Variants in CCDC141 observed in about 807,000 individuals in gnomAD.
The protein encoded by CCDC141 is coiled-coil domain-containing protein 141.
CCDC141 carries 168 observed loss-of-function variants against 181.0 expected under a neutral mutation model. That is an observed-to-expected ratio of 0.93 (90% CI 0.82 to 1.05). CCDC141 has a LOEUF of 1.05. Among genes scored for constraint, CCDC141 ranks in the 50% least tolerant of loss-of-function variants. The pLI is 0.00. For missense variants in CCDC141, 1,902 were observed against 1,788.5 expected, an observed-to-expected ratio of 1.06 and a Z score of -1.14; for synonymous variants, 666 against 642.3, an observed-to-expected ratio of 1.04 and a Z score of -0.56.
chr2:179,049,472 G>T (rs1195500837), intron 1 of CCDC141, among the ~76,000 whole-genome samples: 1 of 151,998 alleles, frequency 6.6e-6, no homozygotes, highest in East Asian at 1.9e-4. Flanking sequence ...CATTCCACAG[G>T]TCCATTGGAC....
intron 8 of CCDC141, among the ~76,000 whole-genome samples, chr2:178,893,628 T>C (rs947780451): frequency 1.3e-5 from 2 of 152,194 alleles, no homozygotes; most frequent in Non-Finnish European, 2.9e-5. Flanking sequence ...TTTATGTTTA[T>C]GGTTGTCTTT....
At chr2:179,022,869 C>T (rs142965978) in intron 2 of CCDC141, among the ~76,000 whole-genome samples, 107 of 152,256 alleles carry the variant, frequency 7.0e-4, no homozygotes, top group African/African-American at 2.4e-3. Flanking sequence ...TGCTATGTGA[C>T]GTGGTTCCTG....
intron 17 of CCDC141, among the ~76,000 whole-genome samples, chr2:178,859,563 T>C (rs1685516209): frequency 6.6e-6 from 1 of 152,144 alleles, no homozygotes; most frequent in Non-Finnish European, 1.5e-5. Flanking sequence ...CTTGAAATGG[T>C]GTTATAATTC....
At position 178,885,106 on chromosome 2, in the gene CCDC141, G is replaced by A; in HGVS notation, c.1528-14C>T. The A allele has an allele frequency of 1.3e-6, 2 of 1,532,342 alleles. No individual in the cohort carries two copies. Among genetic ancestry groups the A allele is most frequent in the Non-Finnish European group, 1.8e-6 (2 of 1,133,858 alleles). 94.9% of individuals were successfully genotyped at this position (1,532,342 alleles called of 1,614,324 possible). ...ATGTGATGTCTCCTGTAAAAGCAAA[G>A]CACTGGAGGTCAGAAACTGACAGGG... On this transcript the variant is annotated splice_polypyrimidine_tract_variant and intron_variant, in intron 10 of 23. Transcript: ENST00000443758.
At chr2:178,869,361 C>G in intron 14 of CCDC141, 56 bp from the exon 15 acceptor site, 1 of 1,275,008 alleles carries the variant, frequency 7.8e-7, no homozygotes, top group Non-Finnish European at 1.1e-6. Context: ...TTTTACTTTA[C>G]AACTGACAAT....
At chr2:178,837,831 T>G in intron 22 of CCDC141, 87 bp from the exon 23 acceptor site, 2 of 1,439,740 alleles carry the variant, frequency 1.4e-6, no homozygotes, top group South Asian at 1.4e-5. Flanking sequence ...TTCAGAGAGA[T>G]AACTCGAGAC....
Position 178,868,214 on chromosome 2 carries a change from T to C in CCDC141, c.2395-9A>G. The C allele has an allele frequency of 1.2e-6, 2 of 1,600,856 alleles. No homozygotes were observed. The highest frequency in any genetic ancestry group is 1.7e-5 in the Admixed American group (1 of 59,838). Reference sequence around the variant, plus strand: ...TTGATGAGACGTCCCAGCTACAATTTAGGGCATTAACAATTAACCTGGGTT... The same window carrying C: ...TTGATGAGACGTCCCAGCTACAATTCAGGGCATTAACAATTAACCTGGGTT... On this transcript the variant is annotated splice_polypyrimidine_tract_variant and intron_variant, in intron 15 of 23. Transcript: ENST00000443758.
At chr2:178,926,813 A>T (rs371370922) in intron 6 of CCDC141, 7 of 152,348 alleles carry the variant, frequency 4.6e-5, no homozygotes, top group African/African-American at 1.7e-4. Flanking sequence ...GAGAAATGAT[A>T]AATGTTTGAG....
intron 2 of CCDC141, among the ~76,000 whole-genome samples, chr2:178,987,529 G>A (rs979764819): frequency 2.6e-5 from 4 of 151,908 alleles, no homozygotes; most frequent in African/African-American, 7.2e-5. Flanking sequence ...GAGTGAACAG[G>A]CAACCTACAA....
At chr2:178,996,652 G>T (rs1692301285) in intron 2 of CCDC141, among the ~76,000 whole-genome samples, 1 of 152,046 alleles carries the variant, frequency 6.6e-6, no homozygotes, top group Non-Finnish European at 1.5e-5. Context: ...TGATATAAAG[G>T]CTTTAGGGAG....
At chr2:178,943,125 C>T (rs1016389236) in intron 6 of CCDC141, among the ~76,000 whole-genome samples, 1 of 152,068 alleles carries the variant, frequency 6.6e-6, no homozygotes, top group Non-Finnish European at 1.5e-5. Flanking sequence ...AAGTAGCATC[C>T]TATGCAATTC....
intron 15 of CCDC141, among the ~76,000 whole-genome samples, 167 bp downstream of exon 15, chr2:178,868,950 G>A (rs987564673): frequency 2.0e-5 from 3 of 152,144 alleles, no homozygotes; most frequent in Non-Finnish European, 4.4e-5. Context: ...AGTTTGGCTG[G>A]AACAAAAGGA....
At chr2:179,039,208 A>C (rs2043227664) in intron 2 of CCDC141, among the ~76,000 whole-genome samples, 1 of 151,546 alleles carries the variant, frequency 6.6e-6, no homozygotes, top group African/African-American at 2.4e-5. Context: ...ACTAAGATTA[A>C]GTACATTGCA....
intron 10 of CCDC141, 31 bp from the exon 11 acceptor site, chr2:178,885,123 C>G (rs1417457873): frequency 3.4e-6 from 5 of 1,463,256 alleles, no homozygotes; most frequent in Non-Finnish European, 4.6e-6. Context: ...AGGTCAGAAA[C>G]TGACAGGGGA....
rs756835029 is a variant in CCDC141, at chr2:178,845,746, T to A, written c.3358-4A>T. 2.6e-6 allele frequency: 4 copies of A among 1,551,794 alleles called. No homozygotes were observed. Among genetic ancestry groups the A allele is most frequent in the Admixed American group, 1.7e-5 (1 of 59,902 alleles). ...TCATCTTTAAAACATCTCCCTGCTG[T>A]ACAAAGCAACAGTTAGTGAGAGCAT... On this transcript the variant is annotated splice_region_variant and splice_polypyrimidine_tract_variant and intron_variant, in intron 21 of 23. Transcript: ENST00000443758.
At chr2:178,859,410 T>C (rs554237776) in intron 17 of CCDC141, among the ~76,000 whole-genome samples, 2 of 152,288 alleles carry the variant, frequency 1.3e-5, no homozygotes, top group East Asian at 1.9e-4. Flanking sequence ...GTATCACTGT[T>C]CACACAGCTG....
intron 8 of CCDC141, among the ~76,000 whole-genome samples, chr2:178,899,265 TATGTGTGTAAG>T (rs1687566030): frequency 6.6e-6 from 1 of 152,184 alleles, no homozygotes; most frequent in Admixed American, 6.5e-5. Context: ...TATGTGTAGG[TATGTGTGTAAG>T]ATGTGTGTAA....
intron 22 of CCDC141, among the ~76,000 whole-genome samples, chr2:178,843,171 A>G (rs2129111): frequency 0.49 from 74,409 of 152,046 alleles, 18,622 homozygotes; most frequent in East Asian, 0.79. Flanking sequence ...AGTTCCTGGG[A>G]GCTCCCATTT....
At chr2:178,927,849 C>T (rs956312164) in intron 6 of CCDC141, among the ~76,000 whole-genome samples, 1 of 152,024 alleles carries the variant, frequency 6.6e-6, no homozygotes, top group East Asian at 1.9e-4. Context: ...AACGAAGAGA[C>T]AAAAAGTCTG....
Sources: allele counts gnomAD v4.1 joint callset (sites outside exome capture counted in the v4.1 genomes callset), GRCh38; gene constraint gnomAD v4.1.1; transcripts MANE v1.5; gene names NCBI Gene and HGNC (gene_info 2026-07-23, HGNC 2026-07-21).